HECTD2: variants seen among roughly 807,000 people sequenced by gnomAD.
HECTD2 encodes the protein probable E3 ubiquitin-protein ligase HECTD2.
In HECTD2, 35 loss-of-function variants were observed where a neutral mutation model predicts 103.2. The observed-to-expected ratio is 0.34, with a 90% CI of 0.26 to 0.45. The LOEUF (loss-of-function observed/expected upper bound fraction) is 0.45. Among genes scored for constraint, HECTD2 ranks in the 20% least tolerant of loss-of-function variants. The pLI, the probability that HECTD2 is intolerant of heterozygous loss-of-function variation, is 1.00. For missense variants in HECTD2, 596 were observed against 937.4 expected, an observed-to-expected ratio of 0.64 and a Z score of 4.76; for synonymous variants, 281 against 329.9, an observed-to-expected ratio of 0.85 and a Z score of 1.61.
intron 14 of HECTD2, among the ~76,000 whole-genome samples, chr10:91,495,792 AAAAT>A (rs1220312159): frequency 6.6e-6 from 1 of 152,186 alleles, no homozygotes; most frequent in Non-Finnish European, 1.5e-5. Flanking sequence ...TTTTAATTTT[AAAAT>A]AAATAAAATG....
intron 1 of HECTD2, among the ~76,000 whole-genome samples, chr10:91,416,328 A>C (rs1843125737): frequency 6.6e-6 from 1 of 152,188 alleles, no homozygotes; most frequent in South Asian, 2.1e-4. Flanking sequence ...TGTACAAAGC[A>C]CTCAGTGTTA....
chr10:91,439,322 A>G (rs1844285364), intron 2 of HECTD2, among the ~76,000 whole-genome samples: 1 of 152,182 alleles, frequency 6.6e-6, no homozygotes, highest in Admixed American at 6.5e-5. Flanking sequence ...AGCACCATTT[A>G]TTAAATAGGG....
intron 1 of HECTD2, among the ~76,000 whole-genome samples, chr10:91,415,579 A>G (rs1032301938): frequency 6.6e-6 from 1 of 152,182 alleles, no homozygotes; most frequent in Non-Finnish European, 1.5e-5. Flanking sequence ...TACCTTGCTA[A>G]GGAGTAAAAT....
At chr10:91,440,440 G>C (rs949972391) in intron 2 of HECTD2, among the ~76,000 whole-genome samples, 2 of 152,150 alleles carry the variant, frequency 1.3e-5, no homozygotes, top group Admixed American at 1.3e-4. Flanking sequence ...CTTGATTGTG[G>C]TGGATAAGCT....
At chr10:91,452,940 T>C (rs1844900100) in intron 2 of HECTD2, among the ~76,000 whole-genome samples, 3 of 151,940 alleles carry the variant, frequency 2.0e-5, no homozygotes, top group Non-Finnish European at 4.4e-5. Context: ...TCTAAAAGAA[T>C]AAAGGAGTTC....
At position 91,512,744 on chromosome 10, in the gene HECTD2, A is replaced by ACACTGCTAG. The variant is rs962106166; in HGVS notation, c.*373_*381dup. 4.9e-6 allele frequency: 1 copy of ACACTGCTAG among 205,534 alleles called. No individual in the cohort carries two copies. The highest frequency in any genetic ancestry group is 2.3e-5 in the African/African-American group (1 of 43,714). 12.7% of individuals were successfully genotyped at this position (205,534 alleles called of 1,614,324 possible). A position where few individuals can be genotyped will look rare whatever the true frequency, so the allele number is the denominator to read the frequency against. On this transcript the variant is annotated 3_prime_UTR_variant, in exon 21 of 21. Coordinates refer to ENST00000298068, the MANE Select transcript of HECTD2 (RefSeq NM_182765.6). ...ATAGTTGAACCCAGTGGCAGATTGT[A>ACACTGCTAG]CACTGCTAGCACTGCTAGCACACAG... is the stretch of plus-strand genomic sequence containing the variant.
chr10:91,510,765 A>G (rs775679783), intron 20 of HECTD2, among the ~76,000 whole-genome samples: 10 of 152,210 alleles, frequency 6.6e-5, no homozygotes, highest in Non-Finnish European at 7.3e-5. Flanking sequence ...TTATTTGATG[A>G]TATTTTTAAT....
At chr10:91,457,929 C>T (rs1845176630) in intron 2 of HECTD2, among the ~76,000 whole-genome samples, 1 of 147,608 alleles carries the variant, frequency 6.8e-6, no homozygotes. Context: ...AAATTTTAGC[C>T]GATACAAGAA....
In HECTD2 at chr10:91,500,983, A is replaced by AACTT. The variant is rs560515697; in HGVS notation, c.2067-206_2067-203dup. Among the ~76,000 whole-genome samples, 881 of 152,242 alleles carry AACTT rather than the reference A, an allele frequency of 5.8e-3. 7 individuals carry two copies. Among genetic ancestry groups the AACTT allele is most frequent in the Middle Eastern group, 0.037 (11 of 294 alleles). Reference sequence around the variant, plus strand: ...ATGGTTCCTGTACTATCCACTGCTGAACTTATATACTTTTATAAAAATATT... The same window carrying AACTT: ...ATGGTTCCTGTACTATCCACTGCTGAACTTACTTATATACTTTTATAAAAATATT... On this transcript the variant is annotated intron_variant, in intron 19 of 20. Transcript: ENST00000298068.
At chr10:91,410,693 G>A (rs1842885336) in intron 1 of HECTD2, 117 bp downstream of exon 1, 2 of 976,822 alleles carry the variant, frequency 2.0e-6, no homozygotes, top group Non-Finnish European at 2.7e-6. Context: ...TGGCACTCCA[G>A]GGAGACGCAC....
chr10:91,462,593 C>A, intron 5 of HECTD2: 1 of 1,043,214 alleles, frequency 9.6e-7, no homozygotes, highest in Non-Finnish European at 1.2e-6. Context: ...CAAGAATTTT[C>A]ATTTGTAACA....
At position 91,460,304 on chromosome 10, in the gene HECTD2, C is replaced by G. The variant is rs1845289180; in HGVS notation, c.269-123C>G. The stretch of plus-strand genomic sequence containing the variant: ...TCACTATGGTTGGTTTTTCTTTAAT[C>G]TCAAAGTGAATGTAATACAAAATAA... On this transcript the variant is annotated intron_variant, in intron 2 of 20. Coordinates refer to ENST00000298068, the MANE Select transcript of HECTD2 (RefSeq NM_182765.6). 1.1e-5 allele frequency: 10 copies of G among 906,668 alleles called. No individual in the cohort carries two copies. The South Asian group carries it at 2.0e-4, about 18-fold the overall frequency. 56.2% of individuals were successfully genotyped at this position (906,668 alleles called of 1,614,324 possible).
At chr10:91,506,109 G>T in intron 20 of HECTD2, among the ~76,000 whole-genome samples, 1 of 152,268 alleles carries the variant, frequency 6.6e-6, no homozygotes, top group East Asian at 1.9e-4. Flanking sequence ...GAATCTCTGG[G>T]ACACATTCAA....
intron 2 of HECTD2, among the ~76,000 whole-genome samples, chr10:91,431,449 C>G (rs533721815): frequency 3.3e-5 from 5 of 152,250 alleles, no homozygotes; most frequent in Non-Finnish European, 5.9e-5. Context: ...TGGGGAAGTT[C>G]TCCTGGATAA....
chr10:91,443,754 C>T (rs1844468626), intron 2 of HECTD2, among the ~76,000 whole-genome samples: 1 of 152,118 alleles, frequency 6.6e-6, no homozygotes, highest in African/African-American at 2.4e-5. Flanking sequence ...CTAGTCTGCA[C>T]AAAATACTAC....
At position 91,410,599 on chromosome 10, in the gene HECTD2, C is replaced by T. The variant is rs575337494; in HGVS notation, c.138+23C>T. The T allele has an allele frequency of 5.6e-5, 67 of 1,187,348 alleles. No individual in the cohort carries two copies. The African/African-American group carries it at 2.6e-3, about 45-fold the overall frequency. 73.6% of individuals were successfully genotyped at this position (1,187,348 alleles called of 1,614,324 possible). ...GCGGTAGGTGGTGGGCCGGGGCCGT[C>T]TGGCGCCCCGGACGGCGGGAGTTGG... On this transcript the variant is annotated intron_variant, in intron 1 of 20. Transcript: ENST00000298068.
Position 91,492,337 on chromosome 10 carries a change from A to T in HECTD2, c.1300-15A>T. On this transcript the variant is annotated splice_polypyrimidine_tract_variant and intron_variant, in intron 12 of 20. Coordinates refer to ENST00000298068, the MANE Select transcript of HECTD2 (RefSeq NM_182765.6). ...TGCTCTTTGTTCTCCTCTACTGTAT[A>T]ATATCTTCAAATAGCTAACCCGGAA... 2 of 1,607,506 alleles carry T rather than the reference A, an allele frequency of 1.2e-6. No homozygotes were observed. Among genetic ancestry groups the T allele is most frequent in the Non-Finnish European group, 1.7e-6 (2 of 1,174,248 alleles).
intron 2 of HECTD2, among the ~76,000 whole-genome samples, chr10:91,426,404 C>T (rs1410165909): frequency 6.6e-6 from 1 of 152,036 alleles, no homozygotes; most frequent in Admixed American, 6.6e-5. Flanking sequence ...CACCCATGTC[C>T]ATAAGCTGCA....
At position 91,505,157 on chromosome 10, in the gene HECTD2, G is replaced by A. The variant is rs1258756081; in HGVS notation, c.2210+3823G>A. 5.2e-3 allele frequency among the ~76,000 whole-genome samples: 790 copies of A among 151,826 alleles called. 4 individuals carry two copies. The highest frequency in any genetic ancestry group is 7.6e-3 in the Non-Finnish European group (518 of 67,956). ...TGGAAAGGAACAACCGGTACCAGCC[G>A]CTGCAAAATCATGCCAAAATGTAAA... On this transcript the variant is annotated intron_variant, in intron 20 of 20. Coordinates refer to ENST00000298068, the MANE Select transcript of HECTD2 (RefSeq NM_182765.6).
Sources: allele counts gnomAD v4.1 joint callset (sites outside exome capture counted in the v4.1 genomes callset), GRCh38; gene constraint gnomAD v4.1.1; transcripts MANE v1.5; gene names NCBI Gene and HGNC (gene_info 2026-07-23, HGNC 2026-07-21).